PARD3B: variants seen among roughly 807,000 people sequenced by gnomAD.
PARD3B encodes partitioning defective 3 homolog B.
PARD3B carries 103 observed loss-of-function variants against 130.2 expected under a neutral mutation model. The observed-to-expected ratio is 0.79, with a 90% CI of 0.67 to 0.93. The LOEUF is 0.93. PARD3B is among the 40% of genes least tolerant of loss of function. PARD3B has a pLI of 0.00. For synonymous variants in PARD3B, 583 were observed against 553.2 expected (o/e 1.05, Z -0.76); for missense variants, 1,609 against 1,499.2 (o/e 1.07, Z -1.21).
chr2:204,588,380 A>G (rs2032927615), intron 1 of PARD3B, among the ~76,000 whole-genome samples: 1 of 152,210 alleles, frequency 6.6e-6, no homozygotes. Flanking sequence ...TAACCTGCGT[A>G]TTTAATTCAA....
intron 22 of PARD3B, among the ~76,000 whole-genome samples, chr2:205,610,883 C>G (rs1207175618): frequency 2.0e-5 from 3 of 152,174 alleles, no homozygotes; most frequent in Admixed American, 1.3e-4. Context: ...CTTCCTCCAG[C>G]CCCTACCCAC....
chr2:205,578,475 G>A (rs930485715), intron 22 of PARD3B, among the ~76,000 whole-genome samples: 1 of 152,180 alleles, frequency 6.6e-6, no homozygotes, highest in African/African-American at 2.4e-5. Context: ...CACCTGTACA[G>A]AAAGCTATAG....
chr2:205,320,478 G>T (rs538491803), intron 18 of PARD3B, among the ~76,000 whole-genome samples: 2 of 152,170 alleles, frequency 1.3e-5, no homozygotes, highest in Non-Finnish European at 2.9e-5. Flanking sequence ...CATAAGAGAC[G>T]TATCAGCACA....
chr2:205,404,589 C>T (rs891199695), intron 19 of PARD3B, among the ~76,000 whole-genome samples: 3 of 152,106 alleles, frequency 2.0e-5, no homozygotes, highest in Non-Finnish European at 4.4e-5. Context: ...TTGATCACTG[C>T]CTAATATTCT....
chr2:205,292,469 A>G lies in PARD3B; in HGVS notation c.2186-8061A>G, dbSNP rs2041644816. On this transcript the variant is annotated intron_variant, in intron 16 of 22. Transcript: ENST00000406610. The surrounding 1 kb of genome is among the most constrained non-coding windows in gnomAD (Gnocchi z 5.3). ...TGGTATTTTTGTTATAGCAGACCAC[A>G]TTAACTCAGGCACACATGAAAGCTA... 6.6e-6 allele frequency among the ~76,000 whole-genome samples: 1 copy of G among 152,076 alleles called. No individual in the cohort carries two copies. The highest frequency in any genetic ancestry group is 6.5e-5 in the Admixed American group (1 of 15,272).
chr2:204,595,039 T>C (rs1331126774), intron 1 of PARD3B, among the ~76,000 whole-genome samples: 1 of 152,136 alleles, frequency 6.6e-6, no homozygotes, highest in Non-Finnish European at 1.5e-5. Flanking sequence ...CCTCTCTGAG[T>C]TGTTAGCAAG....
chr2:205,603,503 C>T (rs1307677874), intron 22 of PARD3B, among the ~76,000 whole-genome samples: 2 of 152,136 alleles, frequency 1.3e-5, no homozygotes, highest in Non-Finnish European at 2.9e-5. Flanking sequence ...TTGTAGGTCT[C>T]TAAGAACCTG....
At chr2:204,762,114 C>CTTTTTTTTT (rs1559124381) in intron 2 of PARD3B, among the ~76,000 whole-genome samples, 1 of 121,668 alleles carries the variant, frequency 8.2e-6, no homozygotes, top group Non-Finnish European at 1.7e-5. Flanking sequence ...CCTTCTTTTT[C>CTTTTTTTTT]TATTTTTTTT....
chr2:204,612,930 C>G (rs2033982560), intron 1 of PARD3B, among the ~76,000 whole-genome samples: 1 of 152,066 alleles, frequency 6.6e-6, no homozygotes. Flanking sequence ...CTCATTCTCT[C>G]TTCCTATGCA....
chr2:205,426,887 T>C (rs1294435203), intron 19 of PARD3B, among the ~76,000 whole-genome samples: 4 of 152,192 alleles, frequency 2.6e-5, no homozygotes, highest in Non-Finnish European at 5.9e-5. Flanking sequence ...AAAGTGCTAA[T>C]ATTGCTCCTA....
intron 4 of PARD3B, among the ~76,000 whole-genome samples, chr2:205,064,159 C>G (rs1418876691): frequency 1.3e-5 from 2 of 152,108 alleles, no homozygotes; most frequent in Non-Finnish European, 2.9e-5. Context: ...TGGCAAAATA[C>G]AATTTAAAAT....
At chr2:205,519,574 G>A (rs1403162344) in intron 21 of PARD3B, among the ~76,000 whole-genome samples, 1 of 152,018 alleles carries the variant, frequency 6.6e-6, no homozygotes, top group Non-Finnish European at 1.5e-5. Context: ...AATTCTATTT[G>A]TGTCATTCTA....
intron 1 of PARD3B, 101 bp downstream of exon 1, chr2:204,546,220 A>G (rs930563931): frequency 1.4e-6 from 2 of 1,471,146 alleles, no homozygotes; most frequent in Non-Finnish European, 1.8e-6. Context: ...CCAGGGGATT[A>G]TGGGGCACTG....
At chr2:205,566,766 A>G (rs2053352620) in intron 22 of PARD3B, among the ~76,000 whole-genome samples, 1 of 152,214 alleles carries the variant, frequency 6.6e-6, no homozygotes, top group Non-Finnish European at 1.5e-5. Context: ...GTAATAAACC[A>G]CAGAGTCGCA....
intron 3 of PARD3B, among the ~76,000 whole-genome samples, chr2:205,003,513 C>G (rs1338425248): frequency 6.6e-6 from 1 of 152,136 alleles, no homozygotes; most frequent in Non-Finnish European, 1.5e-5. Flanking sequence ...ACCCATGGAG[C>G]TAATTATCTC....
intron 20 of PARD3B, among the ~76,000 whole-genome samples, chr2:205,454,360 A>C (rs1194276280): frequency 6.6e-6 from 1 of 152,172 alleles, no homozygotes; most frequent in African/African-American, 2.4e-5. Context: ...ATCTTTTCAA[A>C]CAATAAATAA....
chr2:204,717,336 G>T (rs2038778544), intron 2 of PARD3B, among the ~76,000 whole-genome samples: 4 of 152,156 alleles, frequency 2.6e-5, no homozygotes. Context: ...ATTAAAAATT[G>T]TTAATGACCC....
Position 205,088,143 on chromosome 2 carries a change from A to C in PARD3B, c.505-16283A>C, listed in dbSNP as rs114693413. Among the ~76,000 whole-genome samples, 686 of 152,338 alleles carry C rather than the reference A, an allele frequency of 4.5e-3. 4 individuals carry two copies. The highest frequency in any genetic ancestry group is 0.015 in the African/African-American group (630 of 41,580). On this transcript the variant is annotated intron_variant, in intron 4 of 22. Transcript: ENST00000406610. ...AGTTCCCGCAGTGAGGCCATAACTC[A>C]TGGGCACTCACCAGTCTTTCCAGTA...
rs544420185 is a variant in PARD3B, at chr2:205,265,803, A to G, written c.2185+19981A>G. Among the ~76,000 whole-genome samples the G allele has an allele frequency of 2.8e-4, 42 of 152,114 alleles. 2 individuals carry two copies. The South Asian group carries it at 7.9e-3, about 29-fold the overall frequency. ...ATTCAAATCTTTGGAATTTTCAGAG[A>G]TGAATTTTATCAAATACATATTTTT... On this transcript the variant is annotated intron_variant, in intron 16 of 22. Coordinates refer to ENST00000406610, the MANE Select transcript of PARD3B (RefSeq NM_001302769.2). This position sits in a 1 kb window ranked among gnomAD's most constrained non-coding sequence, Gnocchi z 4.3.
Sources: gnomAD v4.1 joint callset for allele counts (sites outside exome capture counted in the v4.1 genomes callset) on GRCh38, gnomAD v4.1.1 for gene constraint, Gnocchi (gnomAD v3.1) non-coding constraint, MANE v1.5 for transcripts, NCBI Gene and HGNC (gene_info 2026-07-23, HGNC 2026-07-21) for gene names.